GRID2IP: variants seen among roughly 807,000 people sequenced by gnomAD.
The protein encoded by GRID2IP is delphilin.
A neutral mutation model predicts 114.3 loss-of-function variants in GRID2IP; 78 were observed. That is an observed-to-expected ratio of 0.68 (90% CI 0.57 to 0.82). GRID2IP has a LOEUF of 0.82. GRID2IP is among the 40% of genes least tolerant of loss of function. The pLI, the probability that GRID2IP is intolerant of heterozygous loss-of-function variation, is 0.00. For missense variants in GRID2IP, 1,727 were observed against 1,678.5 expected (o/e 1.03, Z -0.51); for synonymous variants, 809 against 724.0 (o/e 1.12, Z -1.89).
intron 18 of GRID2IP, among the ~76,000 whole-genome samples, chr7:6,502,562 C>T (rs1194537432): frequency 6.6e-6 from 1 of 151,982 alleles, no homozygotes; most frequent in Non-Finnish European, 1.5e-5. Flanking sequence ...TCCCTCACTC[C>T]ATTTTTCCAG....
At chr7:6,503,902 A>G (rs1272179733) in intron 15 of GRID2IP, among the ~76,000 whole-genome samples, 1 of 146,462 alleles carries the variant, frequency 6.8e-6, no homozygotes, top group Non-Finnish European at 1.5e-5. Flanking sequence ...CGGCGCTTCA[A>G]TATTGGCCTG....
At position 6,511,555 on chromosome 7, in the gene GRID2IP, T is replaced by C. The variant is rs549542144; in HGVS notation, c.1424-516A>G. On this transcript the variant is annotated intron_variant, in intron 8 of 21. Transcript: ENST00000457091. ...GCCTGGCTAATTTTTGTATTTTTAG[T>C]AGAGATATGGTTTCAACATGTGGGC... Among the ~76,000 whole-genome samples, 8 of 152,048 alleles carry C rather than the reference T, an allele frequency of 5.3e-5. No individual in the cohort carries two copies. In the South Asian group the frequency reaches 1.7e-3, roughly 32 times the overall value.
chr7:6,550,973 C>G, intron 1 of GRID2IP, 35 bp downstream of exon 1: 1 of 1,114,666 alleles, frequency 9.0e-7, no homozygotes. Context: ...TGAGCCCCCT[C>G]CTTCCCGCCC....
Position 6,532,695 on chromosome 7 carries a change from C to T in GRID2IP, c.585-5926G>A, listed in dbSNP as rs1261340531. Among the ~76,000 whole-genome samples the T allele has an allele frequency of 1.3e-5, 2 of 152,236 alleles. No homozygotes were observed. Among genetic ancestry groups the T allele is most frequent in the African/African-American group, 4.8e-5 (2 of 41,456 alleles). ...GTCGTCTGTGGGGCCCCAGCCATCC[C>T]ATTATGATTGGAGCCATTCCTGGTT... On this transcript the variant is annotated intron_variant, in intron 2 of 21. Transcript: ENST00000457091. The surrounding 1 kb of genome is among the most constrained non-coding windows in gnomAD (Gnocchi z 4.4).
At chr7:6,530,681 G>A (rs1479221394) in intron 2 of GRID2IP, among the ~76,000 whole-genome samples, 1 of 152,166 alleles carries the variant, frequency 6.6e-6, no homozygotes, top group African/African-American at 2.4e-5. Flanking sequence ...TGGAGAGGTC[G>A]TGCCCCCCAA....
chr7:6,521,383 A>T lies in GRID2IP; in HGVS notation c.1084+46T>A, dbSNP rs1779408143. 5 of 1,351,264 alleles carry T rather than the reference A, an allele frequency of 3.7e-6. No individual in the cohort carries two copies. Among genetic ancestry groups the T allele is most frequent in the African/African-American group, 1.4e-5 (1 of 68,966 alleles). The allele number at this position is 1,351,264 out of a possible 1,614,324, so 83.7% of individuals were successfully genotyped here. A position where few individuals can be genotyped will look rare whatever the true frequency, so the allele number is the denominator to read the frequency against. The stretch of plus-strand genomic sequence containing the variant: ...GACTCTCACATATAGCAGCCTGGGC[A>T]GGGTCTCTGGGGGCCAAGGAAGCCA... On this transcript the variant is annotated intron_variant, in intron 6 of 21. Coordinates refer to ENST00000457091, the MANE Select transcript of GRID2IP (RefSeq NM_001145118.2). This position sits in a 1 kb window ranked among gnomAD's most constrained non-coding sequence, Gnocchi z 4.1.
intron 16 of GRID2IP, 64 bp from the exon 17 acceptor site, chr7:6,503,227 G>T: frequency 8.1e-7 from 1 of 1,241,402 alleles, no homozygotes; most frequent in Non-Finnish European, 1.1e-6. Context: ...CCCACCGCAG[G>T]CTTTGGGGTG....
chr7:6,503,268 C>G (rs1786470106), intron 16 of GRID2IP, 105 bp from the exon 17 acceptor site: 1 of 1,184,324 alleles, frequency 8.4e-7, no homozygotes, highest in Non-Finnish European at 1.2e-6. Context: ...TGCTTCGGCC[C>G]GATATTCCGG....
In GRID2IP at chr7:6,516,623, T is replaced by G. The variant is rs1420451332; in HGVS notation, c.1269-2094A>C. Among the ~76,000 whole-genome samples the G allele has an allele frequency of 6.6e-6, 1 of 152,124 alleles. No individual in the cohort carries two copies. The highest frequency in any genetic ancestry group is 1.9e-4 in the East Asian group (1 of 5,166). ...GTTAAAGAAGACTCTGCTCCACCACTGCTTGCCCGCCCGCAGCCACCCAGA... is the reference window on the plus strand; with the variant it reads ...GTTAAAGAAGACTCTGCTCCACCACGGCTTGCCCGCCCGCAGCCACCCAGA... On this transcript the variant is annotated intron_variant, in intron 7 of 21. Transcript: ENST00000457091. This position sits in a 1 kb window ranked among gnomAD's most constrained non-coding sequence, Gnocchi z 4.3.
rs528015170 is a variant in GRID2IP at position 6,502,327 on chromosome 7, C to T, written c.3151-209G>A. On this transcript the variant is annotated intron_variant, in intron 18 of 21. Transcript: ENST00000457091. ...GCAGCCTCAAACTCCTAGGCTCAAG[C>T]GATCCTTCCACCTCAGTCTCCCAAG... is the stretch of plus-strand genomic sequence containing the variant. Among the ~76,000 whole-genome samples, 5 of 152,162 alleles carry T rather than the reference C, an allele frequency of 3.3e-5. No homozygotes were observed. In the South Asian group the frequency reaches 1.0e-3, roughly 32 times the overall value.
At chr7:6,544,889 A>T (rs12540041) in intron 1 of GRID2IP, among the ~76,000 whole-genome samples, 1 of 151,656 alleles carries the variant, frequency 6.6e-6, no homozygotes, top group African/African-American at 2.4e-5. Flanking sequence ...AGACCATCCC[A>T]ACTGACACGG....
intron 1 of GRID2IP, among the ~76,000 whole-genome samples, chr7:6,541,223 A>G (rs144424014): frequency 0.023 from 3,512 of 152,282 alleles, 47 homozygotes; most frequent in South Asian, 0.046. Flanking sequence ...TGAGGCTGGT[A>G]GAGGTGACGG....
intron 4 of GRID2IP, 61 bp from the exon 5 acceptor site, chr7:6,522,018 A>G: frequency 2.3e-6 from 3 of 1,330,898 alleles, no homozygotes; most frequent in Non-Finnish European, 3.2e-6. Flanking sequence ...TGAGAGCAGG[A>G]TGCTATCCTG....
intron 2 of GRID2IP, among the ~76,000 whole-genome samples, chr7:6,533,245 T>C (rs1031727585): frequency 3.9e-5 from 6 of 152,182 alleles, no homozygotes; most frequent in Non-Finnish European, 8.8e-5. Flanking sequence ...AGTGCCCTAC[T>C]TGAGACACCT....
At chr7:6,542,704 C>G (rs1242226502) in intron 1 of GRID2IP, among the ~76,000 whole-genome samples, 1 of 152,020 alleles carries the variant, frequency 6.6e-6, no homozygotes, top group Non-Finnish European at 1.5e-5. Context: ...GGAGTGATGG[C>G]TAAGGAGTGC....
chr7:6,548,769 G>A (rs1392781907), intron 1 of GRID2IP, among the ~76,000 whole-genome samples: 1 of 150,910 alleles, frequency 6.6e-6, no homozygotes, highest in Non-Finnish European at 1.5e-5. Context: ...TTGAACCCAG[G>A]AGGTGGAGGT....
intron 15 of GRID2IP, among the ~76,000 whole-genome samples, chr7:6,503,925 GA>G (rs1000729575): frequency 1.5e-5 from 2 of 132,180 alleles, no homozygotes; most frequent in African/African-American, 5.6e-5. Flanking sequence ...CTAAGGGGAA[GA>G]AAAAAGGAAA....
intron 2 of GRID2IP, among the ~76,000 whole-genome samples, chr7:6,537,668 G>A (rs1043401546): frequency 1.3e-5 from 2 of 151,750 alleles, no homozygotes; most frequent in Admixed American, 1.3e-4. Flanking sequence ...GTGAGCCACT[G>A]TGCCCGGCTG....
chr7:6,529,446 A>G (rs191357251), intron 2 of GRID2IP, among the ~76,000 whole-genome samples: 80 of 151,814 alleles, frequency 5.3e-4, no homozygotes, highest in Non-Finnish European at 1.0e-3. Context: ...GTGAGACTCC[A>G]TCTCAAAAAA....
Sources: allele counts gnomAD v4.1 joint callset (sites outside exome capture counted in the v4.1 genomes callset), GRCh38; gene constraint gnomAD v4.1.1; non-coding constraint Gnocchi (gnomAD v3.1); transcripts MANE v1.5; gene names NCBI Gene and HGNC (gene_info 2026-07-23, HGNC 2026-07-21).